Variants in ZNF331 observed in about 807,000 individuals in gnomAD.
ZNF331 encodes the protein C2H2-like zinc finger protein rearranged in thyroid adenomas.
A neutral mutation model predicts 7.0 loss-of-function variants in ZNF331; 2 were observed. The ratio of observed to expected loss-of-function variants is 0.29; its 90% CI spans 0.12 to 0.90. The LOEUF (loss-of-function observed/expected upper bound fraction) is 0.90, where lower values mean the gene tolerates loss of function less well. Among genes scored for constraint, ZNF331 ranks in the 40% least tolerant of loss-of-function variants. The pLI is 0.58. For synonymous variants in ZNF331, 196 were observed against 205.4 expected (o/e 0.95, Z 0.39); for missense variants, 432 against 587.7 (o/e 0.74, Z 2.74).
chr19:53,568,144 G>C (rs554825989), intron 3 of ZNF331, among the ~76,000 whole-genome samples: 14 of 151,984 alleles, frequency 9.2e-5, no homozygotes, highest in African/African-American at 3.1e-4. Flanking sequence ...AGCTACTCAG[G>C]AGGCTGAGGA....
At chr19:53,566,473 G>A (rs1214904849) in intron 3 of ZNF331, among the ~76,000 whole-genome samples, 1 of 152,162 alleles carries the variant, frequency 6.6e-6, no homozygotes, top group Non-Finnish European at 1.5e-5. Flanking sequence ...TTGTATGGTA[G>A]TGCAAGGTTT....
the ZNF331 span, among the ~76,000 whole-genome samples, chr19:53,511,301 C>T: frequency 9.2e-5 from 14 of 151,660 alleles, no homozygotes; most frequent in African/African-American, 2.9e-4. Context: ...TTATATATTC[C>T]CTACATAAAA....
upstream of ZNF331, among the ~76,000 whole-genome samples, chr19:53,534,243 G>T (rs1234671526): frequency 6.6e-6 from 1 of 151,916 alleles, no homozygotes; most frequent in Non-Finnish European, 1.5e-5. Flanking sequence ...CTCTTTCATG[G>T]CCTTTCCCAG....
At chr19:53,567,128 C>A (rs1238530505) in intron 3 of ZNF331, among the ~76,000 whole-genome samples, 8 of 152,126 alleles carry the variant, frequency 5.3e-5, no homozygotes, top group Non-Finnish European at 1.2e-4. Flanking sequence ...ACTTAACATT[C>A]AGTAATCATT....
At chr19:53,526,743 G>A (rs1010937382) in intron 2 of ZNF331, among the ~76,000 whole-genome samples, 2 of 151,414 alleles carry the variant, frequency 1.3e-5, no homozygotes, top group African/African-American at 2.4e-5. Flanking sequence ...TAGTAGAGAC[G>A]GGGTTTCACC....
the ZNF331 span, among the ~76,000 whole-genome samples, chr19:53,506,202 GC>G: frequency 7.0e-6 from 1 of 142,448 alleles, no homozygotes; most frequent in South Asian, 2.3e-4. Flanking sequence ...GGGCGTGGTG[GC>G]GGGCGCCTGT....
In ZNF331 at chr19:53,546,140, G is replaced by GAAAAAAAAAAAA. The variant is rs527391326; in HGVS notation, c.-138+6868_-138+6879dup. Among the ~76,000 whole-genome samples, 180 of 113,438 alleles carry GAAAAAAAAAAAA rather than the reference G, an allele frequency of 1.6e-3. 1 individual carries two copies. Among genetic ancestry groups the GAAAAAAAAAAAA allele is most frequent in the African/African-American group, 4.6e-3 (159 of 34,324 alleles). The allele number at this position is 113,438 out of a possible 152,430, so 74.4% of individuals were successfully genotyped here. A position where few individuals can be genotyped will look rare whatever the true frequency, so the allele number is the denominator to read the frequency against. On this transcript the variant is annotated intron_variant, in intron 2 of 5. Coordinates refer to ENST00000449416, the MANE Select transcript of ZNF331 (RefSeq NM_001079906.2). ...CCTTCAGAAAAAGCATCCTGAGGGG[G>GAAAAAAAAAAAA]AAAAAAAAAAAAAAAAAAAAATTAT...
At chr19:53,514,639 T>C (rs1214954309), upstream of ZNF331, among the ~76,000 whole-genome samples, 1 of 149,596 alleles carries the variant, frequency 6.7e-6, no homozygotes, top group South Asian at 2.1e-4. Context: ...TTTCTTTTTA[T>C]TGAAGCCTTC....
intron 3 of ZNF331, among the ~76,000 whole-genome samples, chr19:53,567,887 C>A (rs1696625584): frequency 6.6e-6 from 1 of 151,246 alleles, no homozygotes; most frequent in Non-Finnish European, 1.5e-5. Flanking sequence ...CCACAGAATT[C>A]ACTGAGAGAT....
the ZNF331 span, among the ~76,000 whole-genome samples, chr19:53,511,629 C>T: frequency 6.6e-6 from 1 of 152,054 alleles, no homozygotes; most frequent in East Asian, 1.9e-4. Flanking sequence ...AAAAGATAAC[C>T]TTTCTCAATA....
At chr19:53,548,164 A>C (rs1170825192) in intron 2 of ZNF331, among the ~76,000 whole-genome samples, 1 of 151,706 alleles carries the variant, frequency 6.6e-6, no homozygotes, top group African/African-American at 2.4e-5. Context: ...GCTGGAGTGC[A>C]GTGGCGTGAT....
chr19:53,546,369 C>T (rs2088615999), intron 2 of ZNF331, among the ~76,000 whole-genome samples: 1 of 151,906 alleles, frequency 6.6e-6, no homozygotes, highest in Non-Finnish European at 1.5e-5. Context: ...CAATTTATCC[C>T]AGTAATTCCT....
At chr19:53,514,064 G>C in the ZNF331 span, among the ~76,000 whole-genome samples, 1 of 152,132 alleles carries the variant, frequency 6.6e-6, no homozygotes, top group Non-Finnish European at 1.5e-5. Context: ...ATATCACTAA[G>C]TTATATTTCA....
intron 2 of ZNF331, among the ~76,000 whole-genome samples, chr19:53,530,943 A>G (rs569981918): frequency 2.6e-5 from 4 of 152,274 alleles, no homozygotes; most frequent in Admixed American, 2.0e-4. Flanking sequence ...TACACAGTCT[A>G]TAACCCCAGT....
Position 53,539,803 on chromosome 19 carries a change from TA to T in ZNF331, c.-138+522del, listed in dbSNP as rs1195934237. Among the ~76,000 whole-genome samples the T allele has an allele frequency of 3.3e-5, 5 of 152,240 alleles. No homozygotes were observed. The highest frequency in any genetic ancestry group is 1.2e-4 in the African/African-American group (5 of 41,462). ...CCAAAGACATTTAGACCCATTGGTC[TA>T]CAATCGAAGGCTGTGTACCTTGACC... On this transcript the variant is annotated intron_variant, in intron 2 of 5. Coordinates refer to ENST00000449416, the MANE Select transcript of ZNF331 (RefSeq NM_001079906.2). The surrounding 1 kb of genome is among the most constrained non-coding windows in gnomAD (Gnocchi z 6.1).
At chr19:53,533,832 C>T (rs1025794459), upstream of ZNF331, among the ~76,000 whole-genome samples, 2 of 152,180 alleles carry the variant, frequency 1.3e-5, no homozygotes, top group African/African-American at 4.8e-5. Context: ...GCTGGGGCGA[C>T]AACTCACCAT....
the ZNF331 span, among the ~76,000 whole-genome samples, chr19:53,510,906 A>G: frequency 2.0e-5 from 3 of 152,052 alleles, no homozygotes; most frequent in African/African-American, 4.8e-5. Flanking sequence ...ATTTTATTTT[A>G]TTGTTATTTT....
chr19:53,532,418 T>C (rs1281617904), intron 2 of ZNF331, among the ~76,000 whole-genome samples: 1 of 152,214 alleles, frequency 6.6e-6, no homozygotes, highest in Non-Finnish European at 1.5e-5. Flanking sequence ...GACTGGATTT[T>C]CCTGGTTTTT....
chr19:53,572,089 A>G (rs994303340), intron 5 of ZNF331, among the ~76,000 whole-genome samples: 1 of 152,206 alleles, frequency 6.6e-6, no homozygotes, highest in African/African-American at 2.4e-5. Context: ...ACCCACGTCT[A>G]GGGAAAACAT....
Sources: gnomAD v4.1 joint callset for allele counts (sites outside exome capture counted in the v4.1 genomes callset) on GRCh38, gnomAD v4.1.1 for gene constraint, Gnocchi (gnomAD v3.1) non-coding constraint, MANE v1.5 for transcripts, NCBI Gene and HGNC (gene_info 2026-07-23, HGNC 2026-07-21) for gene names.